Variants in LPP observed in about 807,000 individuals in gnomAD.
LPP encodes LIM domain containing preferred translocation partner in lipoma.
A neutral mutation model predicts 60.4 loss-of-function variants in LPP; 38 were observed. The ratio of observed to expected loss-of-function variants is 0.63; its 90% CI spans 0.49 to 0.83. The LOEUF is 0.83. LPP is among the 40% of genes least tolerant of loss of function. The probability of loss-of-function intolerance (pLI) is 0.00; values close to 1 mark genes in which losing one functional copy is unlikely to be tolerated. For synonymous variants in LPP, 328 were observed against 290.8 expected (o/e 1.13, Z -1.30); for missense variants, 902 against 783.6 (o/e 1.15, Z -1.80).
At chr3:188,288,818 A>AACC (rs1553851074) in intron 2 of LPP, among the ~76,000 whole-genome samples, 5 of 27,098 alleles carry the variant, frequency 1.8e-4, no homozygotes, top group African/African-American at 7.9e-4. Flanking sequence ...TCCACCCCCC[A>AACC]CCCCCCACCC....
intron 2 of LPP, among the ~76,000 whole-genome samples, chr3:188,304,966 T>C (rs1751051894): frequency 1.3e-5 from 2 of 152,214 alleles, no homozygotes; most frequent in Admixed American, 6.5e-5. Flanking sequence ...AATATTTTAA[T>C]TGACCACTTA....
At chr3:188,654,432 A>G (rs1852720205) in intron 7 of LPP, among the ~76,000 whole-genome samples, 1 of 152,216 alleles carries the variant, frequency 6.6e-6, no homozygotes, top group South Asian at 2.1e-4. Context: ...ATGGTGCATC[A>G]TACGAATTTA....
intron 2 of LPP, among the ~76,000 whole-genome samples, chr3:188,229,595 C>T (rs1397426579): frequency 6.6e-6 from 1 of 152,166 alleles, no homozygotes; most frequent in Admixed American, 6.5e-5. Context: ...GAGGATTTGT[C>T]GGGTCTGAGC....
chr3:188,748,251 AC>A (rs1358410945), intron 8 of LPP, among the ~76,000 whole-genome samples: 1 of 152,160 alleles, frequency 6.6e-6, no homozygotes, highest in Non-Finnish European at 1.5e-5. Context: ...ATATACACAC[AC>A]ACACATACAT....
chr3:188,469,498 G>A (rs1440323542), intron 4 of LPP, among the ~76,000 whole-genome samples: 1 of 152,080 alleles, frequency 6.6e-6, no homozygotes, highest in Non-Finnish European at 1.5e-5. Context: ...AAGTGACCTA[G>A]TAATACTCCC....
intron 3 of LPP, among the ~76,000 whole-genome samples, chr3:188,383,203 C>A (rs1777356865): frequency 6.6e-6 from 1 of 152,056 alleles, no homozygotes; most frequent in East Asian, 1.9e-4. Flanking sequence ...TTTTGGGTTC[C>A]ATTCTATTTA....
chr3:188,244,951 T>C (rs1389254782), intron 2 of LPP, among the ~76,000 whole-genome samples: 1 of 152,204 alleles, frequency 6.6e-6, no homozygotes, highest in African/African-American at 2.4e-5. Context: ...ACTAGGCATA[T>C]GTTCCTTGAG....
intron 7 of LPP, among the ~76,000 whole-genome samples, chr3:188,660,900 A>G (rs1180393841): frequency 6.6e-6 from 1 of 152,174 alleles, no homozygotes; most frequent in Non-Finnish European, 1.5e-5. Flanking sequence ...GGTGTTGTAC[A>G]TGTTGTGGGC....
At position 188,663,105 on chromosome 3, in the gene LPP, A is replaced by G. The variant is rs545441960; in HGVS notation, c.1114-45162A>G. Among the ~76,000 whole-genome samples the G allele has an allele frequency of 1.1e-4, 17 of 151,914 alleles. 1 individual carries two copies. The highest frequency in any genetic ancestry group is 2.1e-4 in the Non-Finnish European group (14 of 68,042). On this transcript the variant is annotated intron_variant, in intron 7 of 11. Transcript: ENST00000617246. ...AAAGAAGAAACAAGTGGGGAGAAAA[A>G]CAAACAAACAAACATGATGAACTGT...
At chr3:188,243,475 A>T (rs1725723299) in intron 2 of LPP, among the ~76,000 whole-genome samples, 1 of 152,218 alleles carries the variant, frequency 6.6e-6, no homozygotes, top group Admixed American at 6.5e-5. Flanking sequence ...AGAAGGCCGG[A>T]TCTGGGAAGG....
At chr3:188,423,724 G>C (rs895440486) in intron 4 of LPP, among the ~76,000 whole-genome samples, 1 of 151,570 alleles carries the variant, frequency 6.6e-6, no homozygotes, top group Non-Finnish European at 1.5e-5. Flanking sequence ...TCATATGTTT[G>C]TTGGCCACAT....
chr3:188,292,875 T>C (rs1027199916), intron 2 of LPP, among the ~76,000 whole-genome samples: 8 of 152,186 alleles, frequency 5.3e-5, no homozygotes, highest in African/African-American at 1.7e-4. Flanking sequence ...GAGGTCTACG[T>C]CATCTGGTAA....
At chr3:188,339,008 C>T (rs148227244) in intron 2 of LPP, among the ~76,000 whole-genome samples, 65 of 152,258 alleles carry the variant, frequency 4.3e-4, no homozygotes, top group Non-Finnish European at 5.1e-4. Flanking sequence ...TTGCTTCTCT[C>T]TCTTTATTAT....
chr3:188,331,924 G>A (rs567377224), intron 2 of LPP, among the ~76,000 whole-genome samples: 2 of 152,278 alleles, frequency 1.3e-5, no homozygotes, highest in South Asian at 4.1e-4. Flanking sequence ...AAGGATTAAA[G>A]ATATAAAATG....
At chr3:188,506,964 A>C (rs1813674715) in intron 5 of LPP, among the ~76,000 whole-genome samples, 1 of 151,690 alleles carries the variant, frequency 6.6e-6, no homozygotes, top group Non-Finnish European at 1.5e-5. Flanking sequence ...CACCTGGCTA[A>C]TTTTTTGTAT....
Position 188,341,213 on chromosome 3 carries a change from G to A in LPP, c.-66-450G>A, listed in dbSNP as rs551007060. ...TGCTGTTTGTCTTTGTCTTTCCCTA[G>A]CCTAATAACCTAGGAAAAACTGAAG... is the stretch of plus-strand genomic sequence containing the variant. On this transcript the variant is annotated intron_variant, in intron 2 of 11. Transcript: ENST00000617246. Among the ~76,000 whole-genome samples, 6 of 152,216 alleles carry A rather than the reference G, an allele frequency of 3.9e-5. No individual in the cohort carries two copies. In the East Asian group the frequency reaches 9.6e-4, roughly 24 times the overall value.
chr3:188,189,275 ACAGGGTTTCACCATGTTTCC>A (rs1477676225), intron 1 of LPP, among the ~76,000 whole-genome samples: 2 of 152,142 alleles, frequency 1.3e-5, no homozygotes, highest in South Asian at 4.1e-4. Flanking sequence ...TTTAATAGTG[ACAGGGTTTCACCATGTTTCC>A]CAGGCTGGTC....
At chr3:188,657,258 G>GTATATATATATATATATATCTA (rs1553782721) in intron 7 of LPP, among the ~76,000 whole-genome samples, 1 of 89,812 alleles carries the variant, frequency 1.1e-5, no homozygotes. Context: ...CTGTCAAGGT[G>GTATATATATATATATATATCTA]TATATATATA....
chr3:188,185,624 G>A (rs935971273), intron 1 of LPP, among the ~76,000 whole-genome samples: 15 of 152,020 alleles, frequency 9.9e-5, no homozygotes, highest in East Asian at 5.8e-4. Context: ...GCCTTTGCCC[G>A]TGTAATTTCT....
Sources: allele counts gnomAD v4.1 joint callset (sites outside exome capture counted in the v4.1 genomes callset), GRCh38; gene constraint gnomAD v4.1.1; transcripts MANE v1.5; gene names NCBI Gene and HGNC (gene_info 2026-07-23, HGNC 2026-07-21).